SDK1: variants seen among roughly 807,000 people sequenced by gnomAD.
The protein encoded by SDK1 is protein sidekick-1.
In SDK1, 157 loss-of-function variants were observed where a neutral mutation model predicts 245.5. The ratio of observed to expected loss-of-function variants is 0.64; its 90% CI spans 0.56 to 0.73. The LOEUF (loss-of-function observed/expected upper bound fraction) is 0.73, where lower values mean the gene tolerates loss of function less well. Among genes scored for constraint, SDK1 ranks in the 30% least tolerant of loss-of-function variants. The pLI, the probability that SDK1 is intolerant of heterozygous loss-of-function variation, is 0.00. For missense variants in SDK1, 3,583 were observed against 3,002.3 expected, an observed-to-expected ratio of 1.19 and a Z score of -4.52; for synonymous variants, 1,647 against 1,278.5, an observed-to-expected ratio of 1.29 and a Z score of -6.15.
At chr7:4,262,378 A>G (rs1446644853) in intron 44 of SDK1, among the ~76,000 whole-genome samples, 1 of 151,844 alleles carries the variant, frequency 6.6e-6, no homozygotes, top group Non-Finnish European at 1.5e-5. Context: ...AAGACCATAA[A>G]ATAGAGGTTT....
intron 4 of SDK1, among the ~76,000 whole-genome samples, chr7:3,767,239 C>T (rs1040191024): frequency 3.9e-5 from 6 of 152,174 alleles, no homozygotes; most frequent in African/African-American, 1.4e-4. Flanking sequence ...GAAGACCACT[C>T]GTGGCTGCAG....
intron 1 of SDK1, among the ~76,000 whole-genome samples, chr7:3,512,976 G>T (rs922088528): frequency 2.0e-5 from 3 of 152,120 alleles, no homozygotes; most frequent in Admixed American, 1.3e-4. Flanking sequence ...CCATTGAGAT[G>T]ATTGTGCCTG....
At chr7:3,950,251 A>G (rs1327127680) in intron 5 of SDK1, among the ~76,000 whole-genome samples, 1 of 152,166 alleles carries the variant, frequency 6.6e-6, no homozygotes, top group Non-Finnish European at 1.5e-5. Context: ...AAGGCCAGGG[A>G]CAGTGACCCT....
At chr7:3,733,066 C>G (rs1465725906) in intron 4 of SDK1, among the ~76,000 whole-genome samples, 3 of 152,086 alleles carry the variant, frequency 2.0e-5, no homozygotes, top group Admixed American at 6.5e-5. Context: ...TTGCTTATCA[C>G]CAATTAAACA....
intron 1 of SDK1, among the ~76,000 whole-genome samples, chr7:3,312,295 C>T (rs1161906590): frequency 2.0e-5 from 3 of 152,262 alleles, no homozygotes; most frequent in Admixed American, 6.5e-5. Context: ...AAATCTAAGA[C>T]TCTTGCAGAA....
intron 1 of SDK1, among the ~76,000 whole-genome samples, chr7:3,498,731 C>T (rs1391884196): frequency 2.8e-5 from 4 of 144,252 alleles, no homozygotes; most frequent in Non-Finnish European, 4.5e-5. Context: ...TAGGCCTCAT[C>T]TTTTTTTTTT....
chr7:3,549,762 G>A (rs774104566), intron 1 of SDK1, among the ~76,000 whole-genome samples: 10 of 152,052 alleles, frequency 6.6e-5, no homozygotes, highest in East Asian at 5.8e-4. Flanking sequence ...ATTAATGCAC[G>A]TCAAGGCACT....
intron 1 of SDK1, among the ~76,000 whole-genome samples, chr7:3,462,564 C>T (rs184966557): frequency 2.0e-5 from 3 of 152,280 alleles, no homozygotes; most frequent in East Asian, 3.9e-4. Context: ...CTTGATATTT[C>T]TACTTATATC....
At chr7:3,403,850 T>TA (rs1554266451) in intron 1 of SDK1, among the ~76,000 whole-genome samples, 2 of 96,596 alleles carry the variant, frequency 2.1e-5, no homozygotes, top group Admixed American at 1.0e-4. Context: ...TATATATATA[T>TA]ATATATATAT....
chr7:3,663,657 G>C (rs1331214185), intron 4 of SDK1, among the ~76,000 whole-genome samples: 2 of 152,172 alleles, frequency 1.3e-5, no homozygotes, highest in Admixed American at 6.5e-5. Context: ...TTAGCACTGA[G>C]AGTCCCCTCA....
At chr7:4,136,290 A>G (rs1054996392) in intron 28 of SDK1, among the ~76,000 whole-genome samples, 15 of 152,202 alleles carry the variant, frequency 9.9e-5, no homozygotes, top group Non-Finnish European at 1.8e-4. Context: ...CGGAGGCTGC[A>G]GGAAGACAGG....
intron 14 of SDK1, among the ~76,000 whole-genome samples, chr7:3,991,081 C>T (rs1016031187): frequency 2.6e-5 from 4 of 152,246 alleles, no homozygotes; most frequent in African/African-American, 2.4e-5. Flanking sequence ...GCAGCCTCCA[C>T]GTCGCACGTT....
intron 5 of SDK1, among the ~76,000 whole-genome samples, chr7:3,852,839 T>G (rs1780453001): frequency 6.6e-6 from 1 of 152,048 alleles, no homozygotes; most frequent in East Asian, 1.9e-4. Flanking sequence ...TATGTTTCTT[T>G]ATTCTTTAAA....
intron 40 of SDK1, among the ~76,000 whole-genome samples, chr7:4,225,902 A>G (rs369997848): frequency 6.6e-6 from 1 of 152,098 alleles, no homozygotes; most frequent in African/African-American, 2.4e-5. Flanking sequence ...CAGGTCGCCA[A>G]CGATCTCCCC....
chr7:3,640,568 G>A (rs757466695), intron 3 of SDK1, among the ~76,000 whole-genome samples: 1 of 152,134 alleles, frequency 6.6e-6, no homozygotes, highest in African/African-American at 2.4e-5. Flanking sequence ...ATAGAGTGAA[G>A]ACGAATACCT....
At chr7:4,167,863 AG>A (rs1329222781) in intron 32 of SDK1, among the ~76,000 whole-genome samples, 1 of 152,168 alleles carries the variant, frequency 6.6e-6, no homozygotes, top group African/African-American at 2.4e-5. Flanking sequence ...TGAGCCTGGG[AG>A]TTTGAGCAGT....
chr7:3,333,983 C>G (rs1780135172), intron 1 of SDK1, among the ~76,000 whole-genome samples: 1 of 152,212 alleles, frequency 6.6e-6, no homozygotes, highest in South Asian at 2.1e-4. Flanking sequence ...ACCTTGGCCG[C>G]TGTCCACAAG....
intron 28 of SDK1, among the ~76,000 whole-genome samples, chr7:4,139,905 C>T (rs1035207057): frequency 1.3e-5 from 2 of 152,092 alleles, no homozygotes. Context: ...GAGAGTCCAT[C>T]GATGGGAACG....
intron 1 of SDK1, among the ~76,000 whole-genome samples, chr7:3,442,122 G>C (rs891898521): frequency 2.0e-5 from 3 of 152,100 alleles, no homozygotes; most frequent in African/African-American, 7.2e-5. Flanking sequence ...AGAGGTTCAG[G>C]AATATCCACA....
Sources: gnomAD v4.1 joint callset for allele counts (sites outside exome capture counted in the v4.1 genomes callset) on GRCh38, gnomAD v4.1.1 for gene constraint, MANE v1.5 for transcripts, NCBI Gene and HGNC (gene_info 2026-07-23, HGNC 2026-07-21) for gene names.